The following ABLIM2 variants were observed in gnomAD, a reference collection of about 807,000 sequenced individuals.
The protein encoded by ABLIM2 is actin binding LIM protein family member 2.
In ABLIM2, 53 loss-of-function variants were observed where a neutral mutation model predicts 97.7. That is an observed-to-expected ratio of 0.54 (90% CI 0.44 to 0.68). The LOEUF (loss-of-function observed/expected upper bound fraction) is 0.68, where lower values mean the gene tolerates loss of function less well. Ranked by LOEUF, ABLIM2 falls within the 30% of genes least tolerant of loss-of-function variation. ABLIM2 has a pLI of 0.00. For missense variants in ABLIM2, 835 were observed against 867.2 expected, an observed-to-expected ratio of 0.96 and a Z score of 0.47; for synonymous variants, 361 against 345.8, an observed-to-expected ratio of 1.04 and a Z score of -0.49.
At position 8,072,010 on chromosome 4, in the gene ABLIM2, C is replaced by T. The variant is rs1024654474; in HGVS notation, c.675+5618G>A. ...CTGCGGAGCCAGGCTTGTCCCCGCC[C>T]GCAGTTCCCACCTTGCACCCGGGGA... is the stretch of plus-strand genomic sequence containing the variant. On this transcript the variant is annotated intron_variant, in intron 6 of 20. Transcript: ENST00000447017. The surrounding 1 kb of genome is among the most constrained non-coding windows in gnomAD (Gnocchi z 5.8). The T allele has an allele frequency of 2.3e-5, 23 of 985,348 alleles. No individual in the cohort carries two copies. The highest frequency in any genetic ancestry group is 3.5e-5 in the African/African-American group (2 of 57,212). The allele number at this position is 985,348 out of a possible 1,614,324, so 61.0% of individuals were successfully genotyped here.
intron 1 of ABLIM2, among the ~76,000 whole-genome samples, chr4:8,108,392 C>T (rs933903268): frequency 3.9e-5 from 6 of 152,208 alleles, no homozygotes; most frequent in Non-Finnish European, 8.8e-5. Context: ...AGACAATGGC[C>T]GGGCCCAGAG....
At chr4:8,084,955 A>G (rs941485521) in intron 4 of ABLIM2, among the ~76,000 whole-genome samples, 1 of 152,100 alleles carries the variant, frequency 6.6e-6, no homozygotes, top group Non-Finnish European at 1.5e-5. Flanking sequence ...GTGACCAGCA[A>G]TGGGTCAGCA....
chr4:8,152,346 C>G (rs866820149), intron 1 of ABLIM2, among the ~76,000 whole-genome samples: 1 of 152,216 alleles, frequency 6.6e-6, no homozygotes, highest in Non-Finnish European at 1.5e-5. Flanking sequence ...ACACCAGGCA[C>G]CAGACGGGAC....
chr4:8,024,923 ATTTCT>A (rs1170020210), intron 12 of ABLIM2, among the ~76,000 whole-genome samples: 1 of 151,836 alleles, frequency 6.6e-6, no homozygotes, highest in African/African-American at 2.4e-5. Context: ...GCTTTTTGTG[ATTTCT>A]TTTTTCTCTT....
At chr4:8,078,240 G>A (rs1189011790) in intron 5 of ABLIM2, among the ~76,000 whole-genome samples, 1 of 152,222 alleles carries the variant, frequency 6.6e-6, no homozygotes, top group East Asian at 1.9e-4. Context: ...CGAATATGAG[G>A]GGTGACAAAG....
rs549666557 is a variant in ABLIM2 at position 8,083,194 on chromosome 4, G to A, written c.455-2392C>T. ...TCAAGGGAGCACAGCACATGGGGCT[G>A]TGTGTCGACCAGAGGACAGACAGCA... On this transcript the variant is annotated intron_variant, in intron 4 of 20. Transcript: ENST00000447017. The surrounding 1 kb of genome is among the most constrained non-coding windows in gnomAD (Gnocchi z 4.6). Among the ~76,000 whole-genome samples the A allele has an allele frequency of 2.2e-4, 34 of 152,330 alleles. 1 individual carries two copies. The Middle Eastern group carries it at 0.01, about 46-fold the overall frequency.
chr4:8,077,966 T>C (rs1007566393), intron 5 of ABLIM2, among the ~76,000 whole-genome samples: 7 of 152,178 alleles, frequency 4.6e-5, no homozygotes, highest in African/African-American at 1.7e-4. Context: ...CCAGACCACC[T>C]GCCCAGTGGG....
chr4:8,105,058 T>C (rs901238069), intron 2 of ABLIM2, among the ~76,000 whole-genome samples: 1 of 152,126 alleles, frequency 6.6e-6, no homozygotes, highest in African/African-American at 2.4e-5. Context: ...ATGCAAACCC[T>C]GGGCAAGCTC....
At chr4:8,013,909 G>A (rs764897212) in intron 14 of ABLIM2, among the ~76,000 whole-genome samples, 3 of 152,220 alleles carry the variant, frequency 2.0e-5, no homozygotes, top group Admixed American at 1.3e-4. Context: ...CAGGGGCCCC[G>A]TGTTTCCAAG....
chr4:8,032,954 C>T lies in ABLIM2; in HGVS notation c.1048-3178G>A, dbSNP rs1022110118. ...GAGCTTGTCTCTACCTGGCCACCCCCACGTCCCACTGTTCTCCCACAAAGA... is the reference window on the plus strand; with the variant it reads ...GAGCTTGTCTCTACCTGGCCACCCCTACGTCCCACTGTTCTCCCACAAAGA... On this transcript the variant is annotated intron_variant, in intron 10 of 20. Coordinates refer to ENST00000447017, the MANE Select transcript of ABLIM2 (RefSeq NM_001130083.2). This position sits in a 1 kb window ranked among gnomAD's most constrained non-coding sequence, Gnocchi z 4.3. 6.6e-6 allele frequency among the ~76,000 whole-genome samples: 1 copy of T among 152,234 alleles called. No individual in the cohort carries two copies. The highest frequency in any genetic ancestry group is 1.5e-5 in the Non-Finnish European group (1 of 68,054).
At chr4:8,077,286 C>T (rs1218477566) in intron 6 of ABLIM2, among the ~76,000 whole-genome samples, 2 of 152,176 alleles carry the variant, frequency 1.3e-5, no homozygotes, top group African/African-American at 2.4e-5. Context: ...CCTATGGGGA[C>T]GAGGTCCTGG....
rs899539509 is a variant in ABLIM2 at position 8,023,078 on chromosome 4, C to A, written c.1268-2775G>T. 2 of 152,626 alleles carry A rather than the reference C, an allele frequency of 1.3e-5. No individual in the cohort carries two copies. Among genetic ancestry groups the A allele is most frequent in the Non-Finnish European group, 1.5e-5 (1 of 68,272 alleles). 9.5% of individuals were successfully genotyped at this position (152,626 alleles called of 1,614,324 possible). A position where few individuals can be genotyped will look rare whatever the true frequency, so the allele number is the denominator to read the frequency against. On this transcript the variant is annotated intron_variant, in intron 12 of 20. Transcript: ENST00000447017. The surrounding 1 kb of genome is among the most constrained non-coding windows in gnomAD (Gnocchi z 5.7). ...TCTACTTTTTCCTCTTCCTCCTCCC[C>A]CTCCTCTCCTCTTCCATTTTTAAAA...
At chr4:8,010,885 G>T (rs1050236301) in intron 14 of ABLIM2, among the ~76,000 whole-genome samples, 2 of 152,230 alleles carry the variant, frequency 1.3e-5, no homozygotes, top group African/African-American at 4.8e-5. Flanking sequence ...CAGCTGCCCA[G>T]CAAGTCCCAG....
intron 1 of ABLIM2, among the ~76,000 whole-genome samples, chr4:8,142,014 G>A (rs1851063096): frequency 6.6e-6 from 1 of 152,324 alleles, no homozygotes; most frequent in South Asian, 2.1e-4. Context: ...GTCATCCTGG[G>A]GCCAGCGGGG....
rs961200021 is a variant in ABLIM2, at chr4:8,130,460, C to T, written c.11-23823G>A. ...CAGGGGCTATGGCAGGGAGAGTGGACGCCGGCGCCGGGCACTGATCTGGGC... is the reference window on the plus strand; with the variant it reads ...CAGGGGCTATGGCAGGGAGAGTGGATGCCGGCGCCGGGCACTGATCTGGGC... On this transcript the variant is annotated intron_variant, in intron 1 of 20. Transcript: ENST00000447017. The surrounding 1 kb of genome is among the most constrained non-coding windows in gnomAD (Gnocchi z 4.2). 5.3e-5 allele frequency among the ~76,000 whole-genome samples: 8 copies of T among 152,154 alleles called. No homozygotes were observed. The highest frequency in any genetic ancestry group is 2.1e-4 in the South Asian group (1 of 4,826).
chr4:8,149,668 G>A lies in ABLIM2; in HGVS notation c.10+9012C>T, dbSNP rs989498482. ...CTGTTGGGGGATCAGGGCAAAGACA[G>A]CACATAGTAGGTGCTTAATAAATAG... is the stretch of plus-strand genomic sequence containing the variant. On this transcript the variant is annotated intron_variant, in intron 1 of 20. Transcript: ENST00000447017. This position sits in a 1 kb window ranked among gnomAD's most constrained non-coding sequence, Gnocchi z 6.4. 6.6e-6 allele frequency among the ~76,000 whole-genome samples: 1 copy of A among 152,118 alleles called. No homozygotes were observed. Among genetic ancestry groups the A allele is most frequent in the African/African-American group, 2.4e-5 (1 of 41,498 alleles).
In ABLIM2 at chr4:7,996,541, A is replaced by G. The variant is rs989356153; in HGVS notation, c.1619-3614T>C. Among the ~76,000 whole-genome samples, 3 of 152,214 alleles carry G rather than the reference A, an allele frequency of 2.0e-5. No individual in the cohort carries two copies. The highest frequency in any genetic ancestry group is 6.5e-5 in the Admixed American group (1 of 15,282). On this transcript the variant is annotated intron_variant, in intron 16 of 20. Coordinates refer to ENST00000447017, the MANE Select transcript of ABLIM2 (RefSeq NM_001130083.2). This position sits in a 1 kb window ranked among gnomAD's most constrained non-coding sequence, Gnocchi z 4.5. Reference sequence around the variant, plus strand: ...TCAGGGACGTCTTCTGTTTCCCCTGAGCACCCGTATCAGATGGTGCTAGAA... The same window carrying G: ...TCAGGGACGTCTTCTGTTTCCCCTGGGCACCCGTATCAGATGGTGCTAGAA...
chr4:8,010,995 C>T (rs1764594729), intron 14 of ABLIM2, among the ~76,000 whole-genome samples: 1 of 152,216 alleles, frequency 6.6e-6, no homozygotes, highest in Admixed American at 6.5e-5. Context: ...AAAATAAGTG[C>T]ATCGTTTCCT....
rs541323716 is a variant in ABLIM2 at position 8,061,145 on chromosome 4, G to A, written c.676-91C>T. 260 of 1,038,124 alleles carry A rather than the reference G, an allele frequency of 2.5e-4. 1 individual carries two copies. In the Middle Eastern group the frequency reaches 6.1e-3, roughly 24 times the overall value. 64.3% of individuals were successfully genotyped at this position (1,038,124 alleles called of 1,614,324 possible). On this transcript the variant is annotated intron_variant, in intron 6 of 20. Coordinates refer to ENST00000447017, the MANE Select transcript of ABLIM2 (RefSeq NM_001130083.2). This position sits in a 1 kb window ranked among gnomAD's most constrained non-coding sequence, Gnocchi z 4.5. Reference sequence around the variant, plus strand: ...CCGGCATGGATACAGCATGCCCTGAGCACAGGTACTCAGGGGATACTGGAA... The same window carrying A: ...CCGGCATGGATACAGCATGCCCTGAACACAGGTACTCAGGGGATACTGGAA...
Sources: gnomAD v4.1 joint callset for allele counts (sites outside exome capture counted in the v4.1 genomes callset) on GRCh38, gnomAD v4.1.1 for gene constraint, Gnocchi (gnomAD v3.1) non-coding constraint, MANE v1.5 for transcripts, NCBI Gene and HGNC (gene_info 2026-07-23, HGNC 2026-07-21) for gene names.